The following CELSR3 variants were observed in gnomAD, a reference collection of about 807,000 sequenced individuals.
The protein encoded by CELSR3 is EGF-like protein 1.
A neutral mutation model predicts 270.0 loss-of-function variants in CELSR3; 73 were observed. The observed-to-expected ratio is 0.27, with a 90% CI of 0.22 to 0.33. The LOEUF is 0.33. Among genes scored for constraint, CELSR3 ranks in the 10% least tolerant of loss-of-function variants. The probability of loss-of-function intolerance (pLI) is 1.00; values close to 1 mark genes in which losing one functional copy is unlikely to be tolerated. For missense variants in CELSR3, 3,614 were observed against 4,533.8 expected, an observed-to-expected ratio of 0.80 and a Z score of 5.83; for synonymous variants, 1,780 against 1,905.4, an observed-to-expected ratio of 0.93 and a Z score of 1.71.
Position 48,650,433 on chromosome 3 carries a change from A to AGGGGGGGGGGGGGGGGGGGGGG in CELSR3, c.6472+46_6472+47insCCCCCCCCCCCCCCCCCCCCCC. On this transcript the variant is annotated intron_variant, in intron 16 of 34. Transcript: ENST00000164024. This position sits in a 1 kb window ranked among gnomAD's most constrained non-coding sequence, Gnocchi z 5.1. Reference sequence around the variant, plus strand: ...GACATGGCTCTAGCAGTCAGAGTACAGGCCCACCCCCACCCTCAGTGATGT... The same window carrying AGGGGGGGGGGGGGGGGGGGGGG: ...GACATGGCTCTAGCAGTCAGAGTACAGGGGGGGGGGGGGGGGGGGGGGGGCCCACCCCCACCCTCAGTGATGT... 8.6e-6 allele frequency: 8 copies of AGGGGGGGGGGGGGGGGGGGGGG among 927,814 alleles called. No homozygotes were observed. The highest frequency in any genetic ancestry group is 1.7e-5 in the African/African-American group (1 of 60,572). The allele number at this position is 927,814 out of a possible 1,614,324, so 57.5% of individuals were successfully genotyped here.
chr3:48,651,682 A>G lies in CELSR3; in HGVS notation c.5960T>C (p.Leu1987Pro). ...YGPGCVDACLLNPCQNQGSCR... is the reference protein window; with the variant it reads ...YGPGCVDACLPNPCQNQGSCR... ...TGATCCCTGGTTCTGACAGGGGTTC[A>G]GGAGGCAGGCATCCACACAGCCTGG... is the stretch of plus-strand genomic sequence containing the variant. The change falls in exon 13 of 35, where the codon CTG (leucine) becomes CCG (proline). Residue 1987 changes from leucine (L) to proline (P), a missense_variant. By Grantham distance (98) the Leu-to-Pro change is moderately conservative (BLOSUM62 -3). Transcript: ENST00000164024. The surrounding 1 kb of genome is among the most constrained non-coding windows in gnomAD (Gnocchi z 7.4). 1.3e-6 allele frequency: 2 copies of G among 1,573,746 alleles called. No homozygotes were observed. The highest frequency in any genetic ancestry group is 4.5e-5 in the East Asian group (2 of 44,600).
Position 48,639,828 on chromosome 3 carries a change from A to G in CELSR3, c.9757T>C (p.Phe3253Leu). 6.2e-7 allele frequency: 1 copy of G among 1,613,902 alleles called. No homozygotes were observed. Among genetic ancestry groups the G allele is most frequent in the Non-Finnish European group, 8.5e-7 (1 of 1,180,016 alleles). Residue 3253 changes from phenylalanine (F) to leucine (L), a missense_variant, in exon 34 of 35, where the codon TTC becomes CTC. By Grantham distance (22) the Phe-to-Leu change is conservative. Coordinates refer to ENST00000164024, the MANE Select transcript of CELSR3 (RefSeq NM_001407.3). This position sits in a 1 kb window ranked among gnomAD's most constrained non-coding sequence, Gnocchi z 4.1. ...ACAGAGGAGAGGGCCGAGGAGTTGA[A>G]AGAGGCAAGGATGGAGGAAAGAATG... ...LDILSSILAS[F>L]NSSALSSVQS...
chr3:48,642,143 G>A lies in CELSR3; in HGVS notation c.8666-134C>T. On this transcript the variant is annotated intron_variant, in intron 31 of 34. Transcript: ENST00000164024. This position sits in a 1 kb window ranked among gnomAD's most constrained non-coding sequence, Gnocchi z 6.1. ...ACAGGAACCGGGGCTTGAAGTGGAGGTAGCAGCAGAAGGGCTGGGACTTAT... is the reference window on the plus strand; with the variant it reads ...ACAGGAACCGGGGCTTGAAGTGGAGATAGCAGCAGAAGGGCTGGGACTTAT... 1 of 924,872 alleles carries A rather than the reference G, an allele frequency of 1.1e-6. No homozygotes were observed. Among genetic ancestry groups the A allele is most frequent in the Non-Finnish European group, 1.6e-6 (1 of 631,670 alleles). 57.3% of individuals were successfully genotyped at this position (924,872 alleles called of 1,614,324 possible). A position where few individuals can be genotyped will look rare whatever the true frequency, so the allele number is the denominator to read the frequency against.
At position 48,661,775 on chromosome 3, in the gene CELSR3, A is replaced by G. The variant is rs760051160; in HGVS notation, c.860T>C (p.Leu287Pro). The G allele has an allele frequency of 1.2e-5, 19 of 1,600,712 alleles. No homozygotes were observed. Among genetic ancestry groups the G allele is most frequent in the Non-Finnish European group, 1.5e-5 (18 of 1,175,350 alleles). ...GGGACGCGGCCCGGGGCGCTGCGGG[A>G]GGAAGCGGCAGCGGAAGAGACCCCG... ...RSRGLFRCRF[L>P]PQRPGPRPPG... is the part of the protein sequence containing the mutation. Residue 287 changes from leucine (L) to proline (P), a missense_variant, in exon 1 of 35, where the codon CTC becomes CCC. Leu to Pro is a moderately conservative substitution (Grantham distance 98, BLOSUM62 -3). Transcript: ENST00000164024.
In CELSR3 at chr3:48,661,749, G is replaced by A. The variant is rs983035860; in HGVS notation, c.886C>T (p.Pro296Ser). Residue 296 changes from proline to serine, a missense_variant, in exon 1 of 35, where the codon CCG (proline) becomes TCG (serine). Around this residue, in one of 7 missense-constraint regions of CELSR3, gnomAD observed 470 missense variants for 469.7 expected, o/e 1.00. Transcript: ENST00000164024. Reference sequence around the variant, plus strand: ...GCTTCAGGACGGGCCGGGAGTCCCGGGGGACGCGGCCCGGGGCGCTGCGGG... The same window carrying A: ...GCTTCAGGACGGGCCGGGAGTCCCGAGGGACGCGGCCCGGGGCGCTGCGGG... ...FLPQRPGPRPPGLPARPEARK... is the reference protein window; with the variant it reads ...FLPQRPGPRPSGLPARPEARK... The A allele has an allele frequency of 6.3e-7, 1 of 1,585,178 alleles. No individual in the cohort carries two copies. The highest frequency in any genetic ancestry group is 8.6e-7 in the Non-Finnish European group (1 of 1,167,552).
rs867723064 is a variant in CELSR3 at position 48,639,919 on chromosome 3, C to T, written c.9666G>A (p.Gln3222=). ...PSREALGPLP[Q]LLRAREDSVS... is the part of the protein sequence containing the mutation. ...CCGAGTCCTCCCTAGCTCTGAGCAGCTGCGGGAGTGGCCCAAGGGCTTCTC... is the reference window on the plus strand; with the variant it reads ...CCGAGTCCTCCCTAGCTCTGAGCAGTTGCGGGAGTGGCCCAAGGGCTTCTC... Residue 3222 remains glutamine (Q), a synonymous_variant, in exon 34 of 35, where the codon CAG becomes CAA. Transcript: ENST00000164024. The surrounding 1 kb of genome is among the most constrained non-coding windows in gnomAD (Gnocchi z 4.1). The T allele has an allele frequency of 6.2e-7, 1 of 1,613,154 alleles. No individual in the cohort carries two copies. Among genetic ancestry groups the T allele is most frequent in the East Asian group, 2.2e-5 (1 of 44,884 alleles).
rs756741633 is a variant in CELSR3 at position 48,640,283 on chromosome 3, G to C, written c.9302C>G (p.Ser3101Cys). 1 of 1,612,822 alleles carries C rather than the reference G, an allele frequency of 6.2e-7. No individual in the cohort carries two copies. The highest frequency in any genetic ancestry group is 1.1e-5 in the South Asian group (1 of 91,066). ...PVLRPLSRPGSQECMDAAPGR... is the reference protein window; with the variant it reads ...PVLRPLSRPGCQECMDAAPGR... ...TGGTGCAGCATCCATGCATTCCTGG[G>C]ACCCTGGCCGGCTCAGGGGACGTAG... Residue 3101 changes from serine to cysteine, a missense_variant, in exon 34 of 35, where the codon TCC becomes TGC. This residue lies in a region of CELSR3 where 1,240 missense variants were observed against 1,351.7 expected (regional missense o/e 0.92). Coordinates refer to ENST00000164024, the MANE Select transcript of CELSR3 (RefSeq NM_001407.3). This position sits in a 1 kb window ranked among gnomAD's most constrained non-coding sequence, Gnocchi z 7.5.
intron 34 of CELSR3, among the ~76,000 whole-genome samples, chr3:48,638,951 TCTC>T (rs1461760485): frequency 2.0e-5 from 3 of 151,010 alleles, no homozygotes; most frequent in South Asian, 2.1e-4. Flanking sequence ...CCCAGCTGTT[TCTC>T]CTCCTTGAAA....
Position 48,662,701 on chromosome 3 carries a change from C to A in CELSR3, c.-67G>T, listed in dbSNP as rs1466587221. On this transcript the variant is annotated 5_prime_UTR_variant, in exon 1 of 35. Transcript: ENST00000164024. The surrounding 1 kb of genome is among the most constrained non-coding windows in gnomAD (Gnocchi z 7.1). ...TCCGGGCCTTGGGCTGGCCCCGCCGCTCGGGCCCCCTCCCGGGCCCCTGCC... is the reference window on the plus strand; with the variant it reads ...TCCGGGCCTTGGGCTGGCCCCGCCGATCGGGCCCCCTCCCGGGCCCCTGCC... 4.4e-6 allele frequency: 3 copies of A among 686,262 alleles called. No individual in the cohort carries two copies. The African/African-American group carries it at 5.7e-5, about 13-fold the overall frequency. The allele number at this position is 686,262 out of a possible 1,614,324, so 42.5% of individuals were successfully genotyped here. A position where few individuals can be genotyped will look rare whatever the true frequency, so the allele number is the denominator to read the frequency against.
chr3:48,660,438 A>G lies in CELSR3; in HGVS notation c.2197T>C (p.Ser733Pro). 1 of 1,614,078 alleles carries G rather than the reference A, an allele frequency of 6.2e-7. No homozygotes were observed. Among genetic ancestry groups the G allele is most frequent in the Non-Finnish European group, 8.5e-7 (1 of 1,180,024 alleles). The change falls in exon 1 of 35, where the codon TCA becomes CCA. Residue 733 changes from serine (S) to proline (P), a missense_variant. By Grantham distance (74) the Ser-to-Pro change is moderately conservative (BLOSUM62 -1). This residue lies in a region of CELSR3 where 215 missense variants were observed against 241.2 expected (regional missense o/e 0.89). Transcript: ENST00000164024. This position sits in a 1 kb window ranked among gnomAD's most constrained non-coding sequence, Gnocchi z 5.5. ...FFGVEARDHG[S>P]PPLSASASVT... ...CTGGCTGAGGCAGAGAGTGGGGGTG[A>G]GCCATGGTCTCGAGCCTCCACACCA...
At position 48,653,161 on chromosome 3, in the gene CELSR3, T is replaced by C. The variant is rs368993678; in HGVS notation, c.5475A>G (p.Thr1825=). Residue 1825 remains threonine (T), a synonymous_variant, in exon 10 of 35, where the codon ACA becomes ACG. Coordinates refer to ENST00000164024, the MANE Select transcript of CELSR3 (RefSeq NM_001407.3). The surrounding 1 kb of genome is among the most constrained non-coding windows in gnomAD (Gnocchi z 6.5). ...CQLDRGLLSV[T]VTRGSGRASH... Reference sequence around the variant, plus strand: ...AAGCACGGCCCGAGCCCCTGGTCACTGTCACAGACAGTAACCCCCGATCTA... The same window carrying C: ...AAGCACGGCCCGAGCCCCTGGTCACCGTCACAGACAGTAACCCCCGATCTA... The C allele has an allele frequency of 6.2e-7, 1 of 1,613,304 alleles. No homozygotes were observed. Among genetic ancestry groups the C allele is most frequent in the African/African-American group, 1.3e-5 (1 of 75,060 alleles).
rs1052672799 is a variant in CELSR3 at position 48,647,953 on chromosome 3, C to A, written c.7017G>T (p.Gly2339=). Residue 2339 remains glycine, a synonymous_variant, in exon 20 of 35, where the codon GGG becomes GGT. Transcript: ENST00000164024. ...TATGGTAGCGAGGGTAGCGACGGGC[C>A]CCCCGGGGAGAACTGGGGTGCTCCA... The part of the protein sequence containing the change: ...DRMEHPSSPR[G]ARRYPRYHSN... 34 of 1,611,914 alleles carry A rather than the reference C, an allele frequency of 2.1e-5. No individual in the cohort carries two copies. Among genetic ancestry groups the A allele is most frequent in the Non-Finnish European group, 2.8e-5 (33 of 1,179,678 alleles).
At position 48,646,194 on chromosome 3, in the gene CELSR3, G is replaced by A; in HGVS notation, c.7359C>T (p.Asn2453=). ...VVSVAVFHGR[N]FLRGILESPI... is the part of the protein sequence containing the mutation. ...GGGACTCCAGGATTCCCCTTAGGAA[G>A]TTGCGTCCGTGGAACACAGCCACGC... Residue 2453 remains asparagine (N), a synonymous_variant, in exon 22 of 35, where the codon AAC becomes AAT. Transcript: ENST00000164024. The surrounding 1 kb of genome is among the most constrained non-coding windows in gnomAD (Gnocchi z 4.8). 6.2e-7 allele frequency: 1 copy of A among 1,612,834 alleles called. No individual in the cohort carries two copies. Among genetic ancestry groups the A allele is most frequent in the Non-Finnish European group, 8.5e-7 (1 of 1,179,942 alleles).
Position 48,652,948 on chromosome 3 carries a change from G to A in CELSR3, c.5634+54C>T. 6.7e-7 allele frequency: 1 copy of A among 1,496,826 alleles called. No individual in the cohort carries two copies. Among genetic ancestry groups the A allele is most frequent in the Non-Finnish European group, 9.2e-7 (1 of 1,082,134 alleles). The allele number at this position is 1,496,826 out of a possible 1,614,324, so 92.7% of individuals were successfully genotyped here. A position where few individuals can be genotyped will look rare whatever the true frequency, so the allele number is the denominator to read the frequency against. On this transcript the variant is annotated intron_variant, in intron 10 of 34. Transcript: ENST00000164024. The surrounding 1 kb of genome is among the most constrained non-coding windows in gnomAD (Gnocchi z 4.3). Reference sequence around the variant, plus strand: ...CTGGACTAGAGGTGGGGTCAAATAAGGCGGATCTGGTTGGAAGGCTGAGAA... The same window carrying A: ...CTGGACTAGAGGTGGGGTCAAATAAAGCGGATCTGGTTGGAAGGCTGAGAA...
intron 34 of CELSR3, 121 bp from the exon 35 acceptor site, chr3:48,638,353 TTAGCCCC>T (rs2046991852): frequency 1.4e-6 from 1 of 739,566 alleles, no homozygotes; most frequent in African/African-American, 1.7e-5. Context: ...CTCTCGCCTC[TTAGCCCC>T]CAGCCCCTTC....
In CELSR3 at chr3:48,653,279, A is replaced by C; in HGVS notation, c.5449-92T>G. 9.9e-6 allele frequency: 12 copies of C among 1,210,044 alleles called. No individual in the cohort carries two copies. The highest frequency in any genetic ancestry group is 1.4e-5 in the Non-Finnish European group (12 of 845,332). The allele number at this position is 1,210,044 out of a possible 1,614,324, so 75.0% of individuals were successfully genotyped here. A position where few individuals can be genotyped will look rare whatever the true frequency, so the allele number is the denominator to read the frequency against. On this transcript the variant is annotated intron_variant, in intron 9 of 34. Coordinates refer to ENST00000164024, the MANE Select transcript of CELSR3 (RefSeq NM_001407.3). The surrounding 1 kb of genome is among the most constrained non-coding windows in gnomAD (Gnocchi z 6.5). The stretch of plus-strand genomic sequence containing the variant: ...AGAGGGCTCAGAGGTCAGGAATATC[A>C]GAGGTCAGAACAGTGGGGTCAAGGT...
intron 20 of CELSR3, 96 bp downstream of exon 20, chr3:48,647,745 T>G (rs1575541396): frequency 3.2e-6 from 4 of 1,245,874 alleles, no homozygotes; most frequent in Non-Finnish European, 4.5e-6. Context: ...ACTGGGGAGG[T>G]CTAGAAAGGG....
rs1473547368 is a variant in CELSR3 at position 48,661,813 on chromosome 3, C to T, written c.822G>A (p.Lys274=). 6.2e-6 allele frequency: 10 copies of T among 1,609,208 alleles called. No individual in the cohort carries two copies. The highest frequency in any genetic ancestry group is 6.8e-6 in the Non-Finnish European group (8 of 1,179,432). The change falls in exon 1 of 35, where the codon AAG becomes AAA. Residue 274 remains lysine, a synonymous_variant. Transcript: ENST00000164024. ...ESRTAPEPAP[K]RMRSRGLFRC... ...GGAAGAGACCCCGGGAGCGCATGCG[C>T]TTGGGCGCCGGCTCGGGAGCTGTCC...
Position 48,645,533 on chromosome 3 carries a change from G to C in CELSR3, c.7707C>G (p.Ser2569=), listed in dbSNP as rs756057445. 30 of 1,612,656 alleles carry C rather than the reference G, an allele frequency of 1.9e-5. No individual in the cohort carries two copies. The highest frequency in any genetic ancestry group is 3.3e-4 in the Middle Eastern group (2 of 6,084). The change falls in exon 24 of 35, where the codon TCC becomes TCG. Residue 2569 remains serine, a synonymous_variant. Coordinates refer to ENST00000164024, the MANE Select transcript of CELSR3 (RefSeq NM_001407.3). This position sits in a 1 kb window ranked among gnomAD's most constrained non-coding sequence, Gnocchi z 5.4. The part of the protein sequence containing the change: ...AILLSLRSLK[S]NVRGIHANVA... The stretch of plus-strand genomic sequence containing the variant: ...CATTGGCATGGATCCCACGCACATT[G>C]GACTTGAGGCTGCGCAGGCTCAGCA...
Sources: gnomAD v4.1 joint callset for allele counts (sites outside exome capture counted in the v4.1 genomes callset) on GRCh38, gnomAD v4.1.1 for gene constraint, gnomAD v4.1.1 regional missense constraint, Gnocchi (gnomAD v3.1) non-coding constraint, MANE v1.5 for transcripts, NCBI Gene and HGNC (gene_info 2026-07-23, HGNC 2026-07-21) for gene names.